The following PPARGC1B variants were observed in gnomAD, a reference collection of about 807,000 sequenced individuals.
PPARGC1B encodes the protein peroxisome proliferator-activated receptor gamma coactivator 1-beta.
In PPARGC1B, 34 loss-of-function variants were observed where a neutral mutation model predicts 101.6. That is an observed-to-expected ratio of 0.33 (90% confidence interval 0.25 to 0.45). The LOEUF (loss-of-function observed/expected upper bound fraction) is 0.45. Ranked by LOEUF, PPARGC1B falls within the 20% of genes least tolerant of loss-of-function variation. The pLI, the probability that PPARGC1B is intolerant of heterozygous loss-of-function variation, is 1.00. For synonymous variants in PPARGC1B, 548 were observed against 539.3 expected (o/e 1.02, Z -0.22); for missense variants, 1,234 against 1,317.6 (o/e 0.94, Z 0.98).
chr5:149,731,349 C>T (rs1021965671), intron 1 of PPARGC1B, among the ~76,000 whole-genome samples: 4 of 152,216 alleles, frequency 2.6e-5, no homozygotes, highest in Non-Finnish European at 5.9e-5. Context: ...CCACCCCTTC[C>T]CCCATTTTCC....
chr5:149,771,473 C>T (rs895425746), intron 1 of PPARGC1B, among the ~76,000 whole-genome samples: 4 of 152,182 alleles, frequency 2.6e-5, no homozygotes, highest in African/African-American at 4.8e-5. Context: ...AAGCTGAGGG[C>T]AGGGCCCTGA....
At chr5:149,793,968 C>T (rs562759830) in intron 1 of PPARGC1B, among the ~76,000 whole-genome samples, 1 of 152,102 alleles carries the variant, frequency 6.6e-6, no homozygotes, top group Non-Finnish European at 1.5e-5. Context: ...AATCAGCTGC[C>T]GGTTTTTGTA....
At chr5:149,755,040 C>CATATATATATATAT (rs761461783) in intron 1 of PPARGC1B, among the ~76,000 whole-genome samples, 147 of 85,176 alleles carry the variant, frequency 1.7e-3, no homozygotes, top group African/African-American at 0.01. Context: ...ACTACATATA[C>CATATATATATATAT]ATATACATAT....
chr5:149,826,938 T>C, intron 3 of PPARGC1B, 53 bp downstream of exon 3: 2 of 1,409,280 alleles, frequency 1.4e-6, no homozygotes, highest in Non-Finnish European at 2.0e-6. Context: ...ATTAGGTTTC[T>C]GGTTCAGGGC....
At chr5:149,793,535 T>C (rs912594585) in intron 1 of PPARGC1B, among the ~76,000 whole-genome samples, 3 of 152,178 alleles carry the variant, frequency 2.0e-5, no homozygotes, top group African/African-American at 7.2e-5. Flanking sequence ...AGCCTCTGCC[T>C]TCTGGAATCC....
At chr5:149,856,286 T>G (rs934891228), downstream of PPARGC1B, among the ~76,000 whole-genome samples, 1 of 152,232 alleles carries the variant, frequency 6.6e-6, no homozygotes, top group Non-Finnish European at 1.5e-5. Flanking sequence ...TTTCTTTGAT[T>G]GCAAGGGAAC....
At chr5:149,830,030 C>CAAAAAAAAAAAA (rs60711433) in intron 3 of PPARGC1B, among the ~76,000 whole-genome samples, 1 of 34,262 alleles carries the variant, frequency 2.9e-5, no homozygotes, top group Non-Finnish European at 5.7e-5. Context: ...GACTGCATCT[C>CAAAAAAAAAAAA]AAAAAAAAAA....
chr5:149,847,435 T>C (rs1055682879), intron 11 of PPARGC1B, 23 bp from the exon 12 acceptor site: 45 of 1,575,836 alleles, frequency 2.9e-5, no homozygotes, highest in Non-Finnish European at 3.6e-5. Flanking sequence ...CCCTCTTCCC[T>C]GCCTCTTCAC....
rs1759800843 is a variant in PPARGC1B, at chr5:149,852,429, C to G, written c.*4871C>G. 6.6e-6 allele frequency: 1 copy of G among 152,178 alleles called. No homozygotes were observed. Among genetic ancestry groups the G allele is most frequent in the Non-Finnish European group, 1.5e-5 (1 of 68,046 alleles). 9.4% of individuals were successfully genotyped at this position (152,178 alleles called of 1,614,324 possible). On this transcript the variant is annotated 3_prime_UTR_variant, in exon 12 of 12. Coordinates refer to ENST00000309241, the MANE Select transcript of PPARGC1B (RefSeq NM_133263.4). ...TCCATTCTCTGACTTGACCCAGCTC[C>G]TGTTCAGGGTGAGGGTTCTCTGCAA...
chr5:149,764,819 A>G (rs1755845704), intron 1 of PPARGC1B, among the ~76,000 whole-genome samples: 1 of 152,264 alleles, frequency 6.6e-6, no homozygotes. Context: ...TATGGTAACT[A>G]TAGGAAGTTG....
intron 9 of PPARGC1B, among the ~76,000 whole-genome samples, chr5:149,840,844 T>C (rs1162650133): frequency 6.6e-6 from 1 of 152,152 alleles, no homozygotes; most frequent in Admixed American, 6.5e-5. Flanking sequence ...GTCTCTCCCA[T>C]GTGATGTGGC....
At chr5:149,830,047 A>C (rs1284222736) in intron 3 of PPARGC1B, among the ~76,000 whole-genome samples, 3 of 120,504 alleles carry the variant, frequency 2.5e-5, no homozygotes, top group Non-Finnish European at 5.2e-5. Context: ...AAAAAAAAAA[A>C]AAAAAAAGAA....
intron 2 of PPARGC1B, 46 bp downstream of exon 2, chr5:149,820,652 C>T: frequency 6.4e-7 from 1 of 1,564,858 alleles, no homozygotes; most frequent in Non-Finnish European, 8.7e-7. Flanking sequence ...CCAGGCCTCT[C>T]TCTCCTCAAA....
Position 149,846,011 on chromosome 5 carries a change from C to T in PPARGC1B, c.2971+97C>T, listed in dbSNP as rs780970763. 7 of 1,425,554 alleles carry T rather than the reference C, an allele frequency of 4.9e-6. No homozygotes were observed. In the African/African-American group the frequency reaches 5.6e-5, roughly 12 times the overall value. The allele number at this position is 1,425,554 out of a possible 1,614,324, so 88.3% of individuals were successfully genotyped here. On this transcript the variant is annotated intron_variant, in intron 11 of 11. Coordinates refer to ENST00000309241, the MANE Select transcript of PPARGC1B (RefSeq NM_133263.4). Reference sequence around the variant, plus strand: ...ACCCAGAGCTAAAGCGCCTTGTGGACATAGCTTCCATCCCCACACCCCAGT... The same window carrying T: ...ACCCAGAGCTAAAGCGCCTTGTGGATATAGCTTCCATCCCCACACCCCAGT...
Position 149,849,046 on chromosome 5 carries a change from G to A in PPARGC1B, c.*1488G>A, listed in dbSNP as rs1207240606. 1 of 152,080 alleles carries A rather than the reference G, an allele frequency of 6.6e-6. No homozygotes were observed. The allele number at this position is 152,080 out of a possible 1,614,324, so 9.4% of individuals were successfully genotyped here. ...GGGAGCATGGCCAGGCAGGGTATGA[G>A]TACATTGTTTCTGATTTCTTTCATA... On this transcript the variant is annotated 3_prime_UTR_variant, in exon 12 of 12. Coordinates refer to ENST00000309241, the MANE Select transcript of PPARGC1B (RefSeq NM_133263.4).
intron 10 of PPARGC1B, 125 bp downstream of exon 10, chr5:149,842,502 G>T: frequency 7.4e-7 from 1 of 1,355,426 alleles, no homozygotes; most frequent in Non-Finnish European, 1.0e-6. Flanking sequence ...TAGCCTAGAT[G>T]TGGAAAGCCA....
rs896874261 is a variant in PPARGC1B, at chr5:149,849,001, C to T, written c.*1443C>T. The T allele has an allele frequency of 6.6e-6, 1 of 152,106 alleles. No homozygotes were observed. The allele number at this position is 152,106 out of a possible 1,614,324, so 9.4% of individuals were successfully genotyped here. ...TTTCCAGCTTAATGTTCTGTGGGTA[C>T]CTTGGGGGCCATTCATGCAGGGAGC... On this transcript the variant is annotated 3_prime_UTR_variant, in exon 12 of 12. Coordinates refer to ENST00000309241, the MANE Select transcript of PPARGC1B (RefSeq NM_133263.4).
At chr5:149,830,659 C>G in intron 3 of PPARGC1B, 108 bp from the exon 4 acceptor site, 1 of 762,578 alleles carries the variant, frequency 1.3e-6, no homozygotes, top group Non-Finnish European at 2.3e-6. Context: ...CTGTGTTCTC[C>G]CTGTGGTCCT....
chr5:149,847,042 A>G (rs1262820057), intron 11 of PPARGC1B: 1 of 271,186 alleles, frequency 3.7e-6, no homozygotes, highest in African/African-American at 2.2e-5. Flanking sequence ...CTGAGATCAC[A>G]TCCCTGCACT....
Sources: gnomAD v4.1 joint callset for allele counts (sites outside exome capture counted in the v4.1 genomes callset) on GRCh38, gnomAD v4.1.1 for gene constraint, MANE v1.5 for transcripts, NCBI Gene and HGNC (gene_info 2026-07-23, HGNC 2026-07-21) for gene names.